TMEM117: variants seen among roughly 807,000 people sequenced by gnomAD.
TMEM117 encodes the protein transmembrane protein 117.
Under a neutral mutation model 52.4 loss-of-function variants are expected in TMEM117, and 27 were observed. That is an observed-to-expected ratio of 0.51 (90% confidence interval 0.38 to 0.71). TMEM117 has a LOEUF of 0.71. Ranked by LOEUF, TMEM117 falls within the 30% of genes least tolerant of loss-of-function variation. TMEM117 has a pLI of 0.00. For missense variants in TMEM117, 556 were observed against 630.5 expected (o/e 0.88, Z 1.26); for synonymous variants, 215 against 206.3 (o/e 1.04, Z -0.36).
chr12:43,924,370 C>T (rs1944743723), intron 2 of TMEM117, among the ~76,000 whole-genome samples: 1 of 151,876 alleles, frequency 6.6e-6, no homozygotes, highest in Non-Finnish European at 1.5e-5. Flanking sequence ...ATTTTATTGT[C>T]AATATAGACA....
At chr12:43,891,782 T>G (rs990905823) in intron 2 of TMEM117, among the ~76,000 whole-genome samples, 1 of 152,186 alleles carries the variant, frequency 6.6e-6, no homozygotes, top group Non-Finnish European at 1.5e-5. Flanking sequence ...TACTCATATT[T>G]TTTTCCTCTA....
At chr12:44,372,623 G>T (rs1951880724) in intron 6 of TMEM117, among the ~76,000 whole-genome samples, 1 of 150,922 alleles carries the variant, frequency 6.6e-6, no homozygotes, top group Non-Finnish European at 1.5e-5. Context: ...AAGAAAGAAA[G>T]AAAATAGTTT....
rs150984405 is a variant in TMEM117 at position 44,388,644 on chromosome 12, C to T, written c.1517C>T (p.Thr506Met). 21 of 1,613,214 alleles carry T rather than the reference C, an allele frequency of 1.3e-5. No homozygotes were observed. Among genetic ancestry groups the T allele is most frequent in the Non-Finnish European group, 1.7e-5 (20 of 1,179,428 alleles). ...TSATEADQDP[T>M]TSKSTPTN ...GCAACAGAAGCTGATCAAGACCCAA[C>T]GACTTCTAAAAGTACACCTACGAAC... The change falls in exon 8 of 8, where the codon ACG becomes ATG. Residue 506 changes from threonine (T) to methionine (M), a missense_variant. Around this residue, in one of 3 missense-constraint regions of TMEM117, gnomAD observed 206 missense variants for 211.1 expected, o/e 0.98. Transcript: ENST00000266534.
chr12:44,251,217 GA>G (rs1950193721), intron 5 of TMEM117, among the ~76,000 whole-genome samples: 1 of 152,038 alleles, frequency 6.6e-6, no homozygotes, highest in African/African-American at 2.4e-5. Context: ...ATTATTAAAG[GA>G]AAAAGCTGAA....
At chr12:44,163,261 G>A (rs991198484) in intron 4 of TMEM117, among the ~76,000 whole-genome samples, 1 of 152,188 alleles carries the variant, frequency 6.6e-6, no homozygotes, top group Non-Finnish European at 1.5e-5. Flanking sequence ...ATTGCCCACT[G>A]AGGCTTTTCA....
chr12:44,239,122 TA>T (rs1159020127), intron 5 of TMEM117, among the ~76,000 whole-genome samples: 1 of 152,214 alleles, frequency 6.6e-6, no homozygotes, highest in Non-Finnish European at 1.5e-5. Flanking sequence ...GTTCAGAGTA[TA>T]ATTTCTAGCT....
chr12:44,284,036 C>T (rs993993523), intron 5 of TMEM117, among the ~76,000 whole-genome samples: 6 of 152,054 alleles, frequency 3.9e-5, no homozygotes, highest in African/African-American at 1.2e-4. Context: ...GCCTTTTGGC[C>T]GGGTGCGGTG....
At chr12:43,837,017 A>G (rs1943042777) in intron 1 of TMEM117, among the ~76,000 whole-genome samples, 1 of 152,128 alleles carries the variant, frequency 6.6e-6, no homozygotes, top group Admixed American at 6.5e-5. Flanking sequence ...TTTATTGAAT[A>G]TAAAAGTAGT....
intron 3 of TMEM117, among the ~76,000 whole-genome samples, chr12:43,974,674 C>T (rs1333842129): frequency 3.9e-5 from 6 of 152,044 alleles, no homozygotes; most frequent in African/African-American, 1.2e-4. Context: ...TACCTTGTTC[C>T]AGATGTACAT....
At chr12:43,930,243 C>G (rs1438194496) in intron 2 of TMEM117, among the ~76,000 whole-genome samples, 3 of 151,866 alleles carry the variant, frequency 2.0e-5, no homozygotes, top group Non-Finnish European at 4.4e-5. Flanking sequence ...GTTTTTTTTG[C>G]TTATCAGCAG....
intron 2 of TMEM117, among the ~76,000 whole-genome samples, chr12:43,931,175 G>T (rs878954591): frequency 2.2e-4 from 34 of 152,184 alleles, no homozygotes; most frequent in African/African-American, 8.0e-4. Context: ...ACAAAACCTT[G>T]TCATTTATTT....
the TMEM117 span, among the ~76,000 whole-genome samples, chr12:43,813,007 CA>C: frequency 4.1e-3 from 583 of 142,896 alleles, 4 homozygotes; most frequent in East Asian, 0.041. Flanking sequence ...ACCCTGTCTC[CA>C]AAAAAAAAAA....
chr12:43,889,402 C>T (rs1303573271), intron 2 of TMEM117, among the ~76,000 whole-genome samples: 1 of 152,128 alleles, frequency 6.6e-6, no homozygotes, highest in African/African-American at 2.4e-5. Flanking sequence ...AAAAGGAGCA[C>T]ACAACCTAGA....
intron 3 of TMEM117, among the ~76,000 whole-genome samples, chr12:44,094,515 T>TGAAAGAAA (rs1947725302): frequency 1.3e-5 from 2 of 152,124 alleles, no homozygotes; most frequent in Non-Finnish European, 2.9e-5. Context: ...AAGAAATGCA[T>TGAAAGAAA]TAGTGAAAAG....
At chr12:44,232,352 A>G (rs1020059616) in intron 5 of TMEM117, among the ~76,000 whole-genome samples, 7 of 151,480 alleles carry the variant, frequency 4.6e-5, no homozygotes, top group African/African-American at 1.2e-4. Context: ...TTGTCCCACA[A>G]CCATTTATGG....
At chr12:44,153,909 T>A (rs1279638978) in intron 4 of TMEM117, among the ~76,000 whole-genome samples, 1 of 152,058 alleles carries the variant, frequency 6.6e-6, no homozygotes, top group Admixed American at 6.6e-5. Flanking sequence ...GAGATTAAAG[T>A]AATTTGAGTG....
intron 2 of TMEM117, among the ~76,000 whole-genome samples, chr12:43,874,888 AT>A (rs1291035029): frequency 1.3e-5 from 2 of 152,186 alleles, no homozygotes; most frequent in Non-Finnish European, 2.9e-5. Context: ...GGGATATCAA[AT>A]TAGATCCGCA....
chr12:44,194,347 G>T (rs1421099326), intron 4 of TMEM117, among the ~76,000 whole-genome samples: 1 of 152,156 alleles, frequency 6.6e-6, no homozygotes, highest in Non-Finnish European at 1.5e-5. Context: ...TTGGGAAGGA[G>T]GGTTAAATAA....
At chr12:43,813,372 T>A in the TMEM117 span, among the ~76,000 whole-genome samples, 1 of 150,846 alleles carries the variant, frequency 6.6e-6, no homozygotes, top group Non-Finnish European at 1.5e-5. Context: ...GCCTCCACAG[T>A]AGCTGGGATT....
Sources: allele counts gnomAD v4.1 joint callset (sites outside exome capture counted in the v4.1 genomes callset), GRCh38; gene constraint gnomAD v4.1.1; regional missense constraint gnomAD v4.1.1; transcripts MANE v1.5; gene names NCBI Gene and HGNC (gene_info 2026-07-23, HGNC 2026-07-21).